The following KYAT3 variants were observed in gnomAD, a reference collection of about 807,000 sequenced individuals.
KYAT3 encodes kynurenine--oxoglutarate transaminase 3.
Under a neutral mutation model 59.0 loss-of-function variants are expected in KYAT3, and 50 were observed. The ratio of observed to expected loss-of-function variants is 0.85; its 90% CI spans 0.68 to 1.07. The LOEUF (loss-of-function observed/expected upper bound fraction) is 1.07, where lower values mean the gene tolerates loss of function less well. Among genes scored for constraint, KYAT3 ranks in the 50% least tolerant of loss-of-function variants. The pLI, the probability that KYAT3 is intolerant of heterozygous loss-of-function variation, is 0.00. For synonymous variants in KYAT3, 148 were observed against 177.0 expected (o/e 0.84, Z 1.30); for missense variants, 497 against 533.3 (o/e 0.93, Z 0.67).
At chr1:88,948,900 A>G (rs541699059) in intron 11 of KYAT3, among the ~76,000 whole-genome samples, 191 bp downstream of exon 11, 2 of 152,336 alleles carry the variant, frequency 1.3e-5, no homozygotes, top group African/African-American at 4.8e-5. Flanking sequence ...TAACCATTTA[A>G]CAATGGTCAC....
chr1:88,947,091 C>A (rs148441526), intron 11 of KYAT3, among the ~76,000 whole-genome samples: 1 of 152,142 alleles, frequency 6.6e-6, no homozygotes, highest in Non-Finnish European at 1.5e-5. Flanking sequence ...CACCTCCTGG[C>A]GAGCACCTCA....
At chr1:88,988,057 T>C (rs773114880) in intron 2 of KYAT3, among the ~76,000 whole-genome samples, 195 bp downstream of exon 2, 4 of 152,232 alleles carry the variant, frequency 2.6e-5, no homozygotes, top group South Asian at 2.1e-4. Context: ...GACCAGCACA[T>C]GGCCTGATCC....
intron 13 of KYAT3, among the ~76,000 whole-genome samples, chr1:88,939,962 T>G (rs1675175139): frequency 6.6e-6 from 1 of 152,026 alleles, no homozygotes; most frequent in South Asian, 2.1e-4. Context: ...ATGGCAACAT[T>G]TTTTTTGGGC....
At chr1:88,942,854 G>A (rs979724170) in intron 13 of KYAT3, 151 bp downstream of exon 13, 3 of 623,546 alleles carry the variant, frequency 4.8e-6, no homozygotes, top group Non-Finnish European at 8.5e-6. Context: ...GAGCCACCAC[G>A]CCCAGCCAGT....
Position 88,949,177 on chromosome 1 carries a change from C to T in KYAT3, c.1055G>A (p.Arg352Gln), listed in dbSNP as rs373982956. ...LPKELEVKRD[R>Q]MVRLLESVGL... ...AACACTTTCAAGTAAACGTACCATC[C>T]GATCTCTTTTTACTTCTAACTCTTT... Residue 352 changes from arginine to glutamine, a missense_variant, in exon 11 of 14, where the codon CGG becomes CAG. By Grantham distance (43) the Arg-to-Gln change is conservative. This residue lies in a region of KYAT3 where 469 missense variants were observed against 479.1 expected (regional missense o/e 0.98). Transcript: ENST00000260508. 2.6e-5 allele frequency: 42 copies of T among 1,610,496 alleles called. No homozygotes were observed. In the African/African-American group the frequency reaches 3.1e-4, roughly 12 times the overall value.
the KYAT3 span, among the ~76,000 whole-genome samples, chr1:88,929,427 C>T: frequency 6.6e-5 from 10 of 152,128 alleles, no homozygotes; most frequent in Non-Finnish European, 1.0e-4. Flanking sequence ...CCCTGTACAT[C>T]CTGACTCTCA....
chr1:88,945,458 AT>A (rs1382618475), intron 11 of KYAT3, among the ~76,000 whole-genome samples: 1 of 152,148 alleles, frequency 6.6e-6, no homozygotes, highest in Non-Finnish European at 1.5e-5. Context: ...TAATTACTGG[AT>A]TCAGAGGCCA....
intron 2 of KYAT3, chr1:88,982,183 C>A: frequency 1.1e-6 from 1 of 873,354 alleles, no homozygotes; most frequent in Non-Finnish European, 1.4e-6. Flanking sequence ...ATACTGAGAA[C>A]AGTGAGATTT....
Position 88,942,946 on chromosome 1 carries a change from A to G in KYAT3, c.1302+59T>C, listed in dbSNP as rs10158041. The G allele has an allele frequency of 0.012, 14,169 of 1,198,850 alleles. 689 individuals carry two copies. The African/African-American group carries it at 0.12, about 10-fold the overall frequency. 74.3% of individuals were successfully genotyped at this position (1,198,850 alleles called of 1,614,324 possible). A position where few individuals can be genotyped will look rare whatever the true frequency, so the allele number is the denominator to read the frequency against. On this transcript the variant is annotated intron_variant, in intron 13 of 13. Transcript: ENST00000260508. ...ATTTTTAGAAACAGAAGAAAATAGT[A>G]CTTTAAAAATTGAAATGAAGATACT...
chr1:88,973,020 A>G (rs1420715998), intron 2 of KYAT3, among the ~76,000 whole-genome samples: 1 of 152,220 alleles, frequency 6.6e-6, no homozygotes, highest in Non-Finnish European at 1.5e-5. Flanking sequence ...AGTTAAGATG[A>G]GGTCATTAGC....
downstream of KYAT3, among the ~76,000 whole-genome samples, chr1:88,931,162 CAG>C (rs1289101783): frequency 6.6e-6 from 1 of 152,182 alleles, no homozygotes; most frequent in African/African-American, 2.4e-5. Context: ...TAGCACCCAT[CAG>C]ATGGCCAAAT....
At chr1:88,972,407 A>G (rs1345428916) in intron 2 of KYAT3, among the ~76,000 whole-genome samples, 4 of 152,244 alleles carry the variant, frequency 2.6e-5, no homozygotes, top group African/African-American at 9.6e-5. Flanking sequence ...TCCAACATAT[A>G]GTTATGCCTA....
At chr1:88,958,356 T>C (rs755974476) in intron 8 of KYAT3, among the ~76,000 whole-genome samples, 2 of 151,522 alleles carry the variant, frequency 1.3e-5, no homozygotes, top group Non-Finnish European at 2.9e-5. Context: ...CGATGTACCA[T>C]CTTCACTGCT....
At chr1:88,977,162 G>A (rs1299665181) in intron 2 of KYAT3, among the ~76,000 whole-genome samples, 1 of 150,380 alleles carries the variant, frequency 6.6e-6, no homozygotes, top group Non-Finnish European at 1.5e-5. Flanking sequence ...CTACAGGCAC[G>A]TGCCACCATG....
chr1:88,959,057 C>T (rs927720876), intron 8 of KYAT3, among the ~76,000 whole-genome samples: 2 of 152,008 alleles, frequency 1.3e-5, no homozygotes, highest in Admixed American at 6.6e-5. Flanking sequence ...GCAGGAGGAT[C>T]GCTTGAGTCT....
intron 1 of KYAT3, among the ~76,000 whole-genome samples, chr1:88,988,612 TA>T (rs958097604): frequency 2.6e-5 from 4 of 152,258 alleles, no homozygotes; most frequent in South Asian, 2.1e-4. Flanking sequence ...TATTCTTAAT[TA>T]AAAAAATAAG....
chr1:88,991,319 G>C (rs1018197683), intron 1 of KYAT3, among the ~76,000 whole-genome samples: 2 of 152,206 alleles, frequency 1.3e-5, no homozygotes, highest in Non-Finnish European at 2.9e-5. Context: ...ACATGGGGAG[G>C]AGAGGTAGTA....
chr1:88,955,989 C>G (rs1675898513), intron 8 of KYAT3, among the ~76,000 whole-genome samples: 1 of 152,152 alleles, frequency 6.6e-6, no homozygotes, highest in African/African-American at 2.4e-5. Context: ...TCACCATAAC[C>G]AATTTCAGAA....
At chr1:88,956,615 G>A (rs965012631) in intron 8 of KYAT3, among the ~76,000 whole-genome samples, 4 of 152,178 alleles carry the variant, frequency 2.6e-5, no homozygotes, top group African/African-American at 7.2e-5. Context: ...GGTGATGCAA[G>A]AATAGAAGAG....
Sources: gnomAD v4.1 joint callset for allele counts (sites outside exome capture counted in the v4.1 genomes callset) on GRCh38, gnomAD v4.1.1 for gene constraint, gnomAD v4.1.1 regional missense constraint, MANE v1.5 for transcripts, NCBI Gene and HGNC (gene_info 2026-07-23, HGNC 2026-07-21) for gene names.